The following PLD1 variants were observed in gnomAD, a reference collection of about 807,000 sequenced individuals.
PLD1 encodes choline phosphatase 1.
Under a neutral mutation model 137.1 loss-of-function variants are expected in PLD1, and 112 were observed. The ratio of observed to expected loss-of-function variants is 0.82; its 90% CI spans 0.70 to 0.96. PLD1 has a LOEUF of 0.96. Among genes scored for constraint, PLD1 ranks in the 40% least tolerant of loss-of-function variants. PLD1 has a pLI of 0.00. For synonymous variants in PLD1, 431 were observed against 454.7 expected (o/e 0.95, Z 0.66); for missense variants, 1,321 against 1,342.0 (o/e 0.98, Z 0.24).
chr3:171,794,154 A>AAG (rs970766937), intron 1 of PLD1, among the ~76,000 whole-genome samples: 1 of 152,044 alleles, frequency 6.6e-6, no homozygotes, highest in Non-Finnish European at 1.5e-5. Context: ...CAAAAAAAAA[A>AAG]AAAGAAAAGT....
chr3:171,648,730 AT>A (rs1211338193), intron 21 of PLD1, among the ~76,000 whole-genome samples: 1 of 151,896 alleles, frequency 6.6e-6, no homozygotes, highest in Non-Finnish European at 1.5e-5. Flanking sequence ...AATTTTTTGT[AT>A]TTTTAGCAGA....
chr3:171,697,277 C>T (rs922416050), intron 12 of PLD1, among the ~76,000 whole-genome samples: 4 of 117,150 alleles, frequency 3.4e-5, no homozygotes, highest in African/African-American at 1.3e-4. Flanking sequence ...CAGAGTCTTG[C>T]TCTGTTGCCC....
intron 16 of PLD1, among the ~76,000 whole-genome samples, chr3:171,684,824 C>T (rs897687828): frequency 6.6e-6 from 1 of 152,160 alleles, no homozygotes; most frequent in African/African-American, 2.4e-5. Context: ...TGGGCTCAAG[C>T]AATCCTCCTG....
At chr3:171,735,700 G>T in intron 3 of PLD1, 63 bp from the exon 4 acceptor site, 1 of 924,656 alleles carries the variant, frequency 1.1e-6, no homozygotes, top group Non-Finnish European at 1.7e-6. Context: ...AAAGCTTTCA[G>T]TGAACAATAT....
In PLD1 at chr3:171,806,489, C is replaced by A. The variant is rs542680800; in HGVS notation, c.-32+3910G>T. Among the ~76,000 whole-genome samples the A allele has an allele frequency of 1.2e-4, 18 of 152,368 alleles. No individual in the cohort carries two copies. The South Asian group carries it at 3.1e-3, about 26-fold the overall frequency. On this transcript the variant is annotated intron_variant, in intron 1 of 26. Coordinates refer to ENST00000351298, the MANE Select transcript of PLD1 (RefSeq NM_002662.5). ...GTTTCTCATTTTAACCCTGCAACAACTTTTAGCCACACCCTAGCAAATACA... is the reference window on the plus strand; with the variant it reads ...GTTTCTCATTTTAACCCTGCAACAAATTTTAGCCACACCCTAGCAAATACA...
chr3:171,720,293 C>CAAAA (rs752618596), intron 8 of PLD1, among the ~76,000 whole-genome samples: 1,179 of 67,372 alleles, frequency 0.017, 33 homozygotes, highest in Non-Finnish European at 0.02. Context: ...GACCCTGTCT[C>CAAAA]AAAAAAAAAA....
At chr3:171,737,723 ATTCTT>A in intron 2 of PLD1, 64 bp from the exon 3 acceptor site, 1 of 1,346,208 alleles carries the variant, frequency 7.4e-7, no homozygotes, top group Non-Finnish European at 1.0e-6. Flanking sequence ...TTTTACAGGC[ATTCTT>A]TTAAGAATCA....
chr3:171,758,978 G>A (rs1721215979), intron 1 of PLD1, among the ~76,000 whole-genome samples: 1 of 152,158 alleles, frequency 6.6e-6, no homozygotes, highest in African/African-American at 2.4e-5. Flanking sequence ...CACTCATCAG[G>A]CAAAGTAGAG....
intron 6 of PLD1, among the ~76,000 whole-genome samples, chr3:171,726,474 G>T (rs151335953): frequency 6.6e-6 from 1 of 152,196 alleles, no homozygotes; most frequent in Non-Finnish European, 1.5e-5. Flanking sequence ...GCAGGATCTG[G>T]AAGATGGACT....
intron 8 of PLD1, among the ~76,000 whole-genome samples, chr3:171,716,550 T>C (rs139965659): frequency 3.1e-3 from 479 of 152,346 alleles, no homozygotes; most frequent in African/African-American, 0.011. Flanking sequence ...TTTTGAAAAG[T>C]GTCTGTTCAT....
intron 8 of PLD1, among the ~76,000 whole-genome samples, chr3:171,718,355 G>T (rs1234360083): frequency 6.6e-6 from 1 of 152,102 alleles, no homozygotes; most frequent in Admixed American, 6.6e-5. Context: ...AAAAGCCCAG[G>T]ACCAGGCGGA....
chr3:171,774,946 A>G (rs1037923660), intron 1 of PLD1, among the ~76,000 whole-genome samples: 2 of 152,170 alleles, frequency 1.3e-5, no homozygotes, highest in East Asian at 3.8e-4. Flanking sequence ...CTTTGCCTAG[A>G]CAGCAGAGGT....
intron 9 of PLD1, among the ~76,000 whole-genome samples, chr3:171,713,468 C>A (rs1333670158): frequency 2.0e-5 from 3 of 151,992 alleles, no homozygotes; most frequent in Non-Finnish European, 4.4e-5. Context: ...AGAGTGAGAG[C>A]CTGTCTCAGA....
At chr3:171,638,232 C>T (rs991871996) in intron 23 of PLD1, among the ~76,000 whole-genome samples, 34 of 151,024 alleles carry the variant, frequency 2.3e-4, no homozygotes, top group Admixed American at 9.2e-4. Flanking sequence ...GAGCACTTAC[C>T]ATGAATGAAG....
intron 18 of PLD1, 151 bp from the exon 19 acceptor site, chr3:171,674,764 G>A (rs1459114027): frequency 4.3e-6 from 2 of 463,464 alleles, no homozygotes; most frequent in Non-Finnish European, 8.0e-6. Flanking sequence ...GATCACTTGA[G>A]GTCAGGAGTT....
intron 23 of PLD1, among the ~76,000 whole-genome samples, chr3:171,627,922 T>C (rs1196287166): frequency 1.3e-5 from 2 of 151,782 alleles, no homozygotes; most frequent in Non-Finnish European, 1.5e-5. Flanking sequence ...AGATCCAAAA[T>C]TGATACCCTA....
chr3:171,680,881 G>A (rs929440399), intron 16 of PLD1, among the ~76,000 whole-genome samples: 20 of 152,042 alleles, frequency 1.3e-4, no homozygotes, highest in East Asian at 9.6e-4. Flanking sequence ...CATTTACTTC[G>A]TTCTTGAACT....
At chr3:171,687,619 A>AT (rs1560217181) in intron 14 of PLD1, 35 bp from the exon 15 acceptor site, 1 of 1,366,654 alleles carries the variant, frequency 7.3e-7, no homozygotes, top group Non-Finnish European at 1.0e-6. Context: ...AAGACACTGC[A>AT]TAAGACATGC....
At chr3:171,680,939 A>G (rs1391120549) in intron 16 of PLD1, among the ~76,000 whole-genome samples, 3 of 152,182 alleles carry the variant, frequency 2.0e-5, no homozygotes, top group Admixed American at 2.0e-4. Context: ...TATAAACGCT[A>G]TAAAGCCTCA....
Sources: allele counts gnomAD v4.1 joint callset (sites outside exome capture counted in the v4.1 genomes callset), GRCh38; gene constraint gnomAD v4.1.1; transcripts MANE v1.5; gene names NCBI Gene and HGNC (gene_info 2026-07-23, HGNC 2026-07-21).